The following SLC7A1 variants were observed in gnomAD, a reference collection of about 807,000 sequenced individuals.
SLC7A1 encodes high affinity cationic amino acid transporter 1.
In SLC7A1, 10 loss-of-function variants were observed where a neutral mutation model predicts 53.9. The observed-to-expected ratio is 0.19, with a 90% confidence interval of 0.11 to 0.31. The LOEUF (loss-of-function observed/expected upper bound fraction) is 0.31. SLC7A1 is among the 10% of genes least tolerant of loss of function. SLC7A1 has a pLI of 1.00. For synonymous variants in SLC7A1, 342 were observed against 338.7 expected, an observed-to-expected ratio of 1.01 and a Z score of -0.11; for missense variants, 525 against 827.2, an observed-to-expected ratio of 0.63 and a Z score of 4.48.
At chr13:29,519,050 T>C (rs185423759) in intron 9 of SLC7A1, among the ~76,000 whole-genome samples, 3 of 152,334 alleles carry the variant, frequency 2.0e-5, no homozygotes, top group Non-Finnish European at 2.9e-5. Context: ...TATGCTGAGC[T>C]GGGTTTCACA....
chr13:29,584,609 C>A (rs188153327), intron 1 of SLC7A1, among the ~76,000 whole-genome samples: 4 of 152,246 alleles, frequency 2.6e-5, no homozygotes, highest in Admixed American at 2.6e-4. Flanking sequence ...GGCCATTTAT[C>A]TTGTTCTAGT....
intron 1 of SLC7A1, among the ~76,000 whole-genome samples, chr13:29,555,836 G>A (rs1414008137): frequency 6.6e-6 from 1 of 152,220 alleles, no homozygotes; most frequent in Non-Finnish European, 1.5e-5. Flanking sequence ...TGGGGGTGAT[G>A]TTAACAAATG....
intron 1 of SLC7A1, among the ~76,000 whole-genome samples, chr13:29,576,704 A>C (rs1871429497): frequency 1.3e-5 from 2 of 152,160 alleles, no homozygotes; most frequent in Non-Finnish European, 1.5e-5. Context: ...ATTTGAAACT[A>C]AATGAAAGAA....
At chr13:29,565,616 C>T (rs1870935768) in intron 1 of SLC7A1, among the ~76,000 whole-genome samples, 1 of 152,220 alleles carries the variant, frequency 6.6e-6, no homozygotes, top group African/African-American at 2.4e-5. Context: ...GATCCACATA[C>T]CTTTATACTC....
chr13:29,550,358 A>G (rs944156448), intron 2 of SLC7A1, among the ~76,000 whole-genome samples: 10 of 152,242 alleles, frequency 6.6e-5, no homozygotes, highest in Non-Finnish European at 1.2e-4. Context: ...ATGTAGAAAA[A>G]AAATCAAGGA....
rs945920569 is a variant in SLC7A1 at position 29,535,809 on chromosome 13, T to C, written c.370+10A>G. 6.2e-7 allele frequency: 1 copy of C among 1,609,998 alleles called. No individual in the cohort carries two copies. Among genetic ancestry groups the C allele is most frequent in the Admixed American group, 1.7e-5 (1 of 59,958 alleles). ...GTAGAGGGCACGAGCTCCGGACCCC[T>C]GGGACCTACCGATGATGTAGGAGAG... On this transcript the variant is annotated intron_variant, in intron 3 of 12. Coordinates refer to ENST00000380752, the MANE Select transcript of SLC7A1 (RefSeq NM_003045.5).
intron 6 of SLC7A1, among the ~76,000 whole-genome samples, chr13:29,523,798 A>T (rs2139080671): frequency 6.6e-6 from 1 of 152,316 alleles, no homozygotes; most frequent in East Asian, 1.9e-4. Flanking sequence ...AGCCTGGCCT[A>T]TTCAGTCCGC....
At chr13:29,590,385 T>C (rs1872061287) in intron 1 of SLC7A1, among the ~76,000 whole-genome samples, 1 of 151,954 alleles carries the variant, frequency 6.6e-6, no homozygotes, top group Non-Finnish European at 1.5e-5. Flanking sequence ...CACATACATA[T>C]ACACATACAC....
In SLC7A1 at chr13:29,512,872, G is replaced by A. The variant is rs1228716046; in HGVS notation, c.*1608C>T. ...TCTCCAAGAACCTTCTGGGGGCACA[G>A]GGAGGGTACAAGTGCCCTCAATTTA... On this transcript the variant is annotated 3_prime_UTR_variant, in exon 13 of 13. Transcript: ENST00000380752. 4 of 152,272 alleles carry A rather than the reference G, an allele frequency of 2.6e-5. No individual in the cohort carries two copies. The highest frequency in any genetic ancestry group is 4.8e-5 in the African/African-American group (2 of 41,464). 9.4% of individuals were successfully genotyped at this position (152,272 alleles called of 1,614,324 possible).
At position 29,530,652 on chromosome 13, in the gene SLC7A1, T is replaced by G. The variant is rs746809752; in HGVS notation, c.590A>C (p.Asn197Thr). The change falls in exon 5 of 13, where the codon AAC (asparagine) becomes ACC (threonine). Residue 197 changes from asparagine (N) to threonine (T), a missense_variant. Around this residue, in one of 4 missense-constraint regions of SLC7A1, gnomAD observed 354 missense variants for 587.5 expected, o/e 0.60. Coordinates refer to ENST00000380752, the MANE Select transcript of SLC7A1 (RefSeq NM_003045.5). ...CATTATGAAGCCCAGGACCAGGACG[T>G]TAATACAAGTGAATATTTTGTTGAC... is the stretch of plus-strand genomic sequence containing the variant. ...AMVNKIFTCI[N>T]VLVLGFIMVS... 6.2e-7 allele frequency: 1 copy of G among 1,614,150 alleles called. No individual in the cohort carries two copies. The highest frequency in any genetic ancestry group is 1.1e-5 in the South Asian group (1 of 91,078).
intron 4 of SLC7A1, among the ~76,000 whole-genome samples, chr13:29,531,025 G>A (rs1245010934): frequency 1.3e-5 from 2 of 152,142 alleles, no homozygotes; most frequent in African/African-American, 2.4e-5. Context: ...CCCTCTCATA[G>A]GGAGGGGAAA....
chr13:29,570,023 A>G (rs1027266713), intron 1 of SLC7A1, among the ~76,000 whole-genome samples: 21 of 152,196 alleles, frequency 1.4e-4, no homozygotes, highest in African/African-American at 5.1e-4. Context: ...GTTTTCTAAC[A>G]TCATACAGAA....
At chr13:29,593,006 G>A (rs1294912282) in intron 1 of SLC7A1, among the ~76,000 whole-genome samples, 3 of 152,142 alleles carry the variant, frequency 2.0e-5, no homozygotes, top group East Asian at 1.9e-4. Context: ...CAGATTTGGC[G>A]AGAGGAGCCA....
chr13:29,557,447 G>A (rs952968159), intron 1 of SLC7A1, among the ~76,000 whole-genome samples: 2 of 152,118 alleles, frequency 1.3e-5, no homozygotes, highest in Non-Finnish European at 1.5e-5. Flanking sequence ...GGCTGCATGG[G>A]ATAGCCTTGG....
At chr13:29,561,851 G>C (rs569997060) in intron 1 of SLC7A1, among the ~76,000 whole-genome samples, 22 of 152,058 alleles carry the variant, frequency 1.4e-4, no homozygotes, top group Non-Finnish European at 2.5e-4. Context: ...CCATCCCAGC[G>C]GCTGTTCTGC....
At position 29,595,623 on chromosome 13, in the gene SLC7A1, T is replaced by G. The variant is rs1872283388; in HGVS notation, c.-322A>C. 2.0e-5 allele frequency: 3 copies of G among 150,814 alleles called. No homozygotes were observed. The highest frequency in any genetic ancestry group is 4.9e-5 in the African/African-American group (2 of 41,082). 9.3% of individuals were successfully genotyped at this position (150,814 alleles called of 1,614,324 possible). On this transcript the variant is annotated 5_prime_UTR_variant, in exon 1 of 13. Coordinates refer to ENST00000380752, the MANE Select transcript of SLC7A1 (RefSeq NM_003045.5). ...AGGTAGTTGACCCGCTGCTCACACC[T>G]GCCTGCGCGGACTGAATGGGCGCCG...
At chr13:29,566,613 G>A (rs1255123937) in intron 1 of SLC7A1, among the ~76,000 whole-genome samples, 2 of 152,138 alleles carry the variant, frequency 1.3e-5, no homozygotes, top group Non-Finnish European at 2.9e-5. Context: ...GCTTGGCTAC[G>A]GGTGGGGAAT....
intron 1 of SLC7A1, among the ~76,000 whole-genome samples, chr13:29,570,804 G>A (rs1871160102): frequency 6.6e-6 from 1 of 150,902 alleles, no homozygotes; most frequent in African/African-American, 2.4e-5. Flanking sequence ...GTGGCAGTGA[G>A]CCATGATCAT....
intron 1 of SLC7A1, among the ~76,000 whole-genome samples, chr13:29,572,189 G>T (rs991294942): frequency 6.6e-6 from 1 of 152,224 alleles, no homozygotes; most frequent in Non-Finnish European, 1.5e-5. Flanking sequence ...CTCCAAGTGC[G>T]ACACGCTGTC....
Sources: allele counts gnomAD v4.1 joint callset (sites outside exome capture counted in the v4.1 genomes callset), GRCh38; gene constraint gnomAD v4.1.1; regional missense constraint gnomAD v4.1.1; transcripts MANE v1.5; gene names NCBI Gene and HGNC (gene_info 2026-07-23, HGNC 2026-07-21).